Variants in NRXN1 observed in about 807,000 individuals in gnomAD.
NRXN1 encodes neurexin-1.
NRXN1 carries 39 observed loss-of-function variants against 150.9 expected under a neutral mutation model. That is an observed-to-expected ratio of 0.26 (90% CI 0.20 to 0.34). The LOEUF is 0.34. Ranked by LOEUF, NRXN1 falls within the 10% of genes least tolerant of loss-of-function variation. The pLI, the probability that NRXN1 is intolerant of heterozygous loss-of-function variation, is 1.00. For synonymous variants in NRXN1, 924 were observed against 757.0 expected (o/e 1.22, Z -3.62); for missense variants, 1,815 against 1,949.9 (o/e 0.93, Z 1.30).
chr2:50,185,244 G>A (rs189687487), intron 18 of NRXN1, among the ~76,000 whole-genome samples: 1 of 152,140 alleles, frequency 6.6e-6, no homozygotes, highest in Admixed American at 6.6e-5. Flanking sequence ...TTTGTTTATG[G>A]CACACATTTT....
intron 21 of NRXN1, among the ~76,000 whole-genome samples, chr2:49,968,922 C>T (rs542577666): frequency 6.6e-6 from 1 of 152,196 alleles, no homozygotes; most frequent in East Asian, 1.9e-4. Flanking sequence ...TAACCCATGA[C>T]ATCTAGCAGT....
At chr2:50,723,718 T>C (rs1696961768) in intron 5 of NRXN1, among the ~76,000 whole-genome samples, 1 of 152,178 alleles carries the variant, frequency 6.6e-6, no homozygotes, top group Non-Finnish European at 1.5e-5. Context: ...GGTCAGACCC[T>C]AATGCAGCCT....
chr2:50,950,675 A>G (rs1691175144), intron 2 of NRXN1, among the ~76,000 whole-genome samples: 1 of 152,216 alleles, frequency 6.6e-6, no homozygotes. Flanking sequence ...TCTAAGCTGA[A>G]AAGCAATAAT....
chr2:50,293,756 C>A (rs2073232697), intron 17 of NRXN1, among the ~76,000 whole-genome samples: 1 of 152,102 alleles, frequency 6.6e-6, no homozygotes, highest in African/African-American at 2.4e-5. Flanking sequence ...CAGAATGATG[C>A]CTTCCTGGAG....
At chr2:50,047,710 GT>G (rs5831071) in intron 21 of NRXN1, among the ~76,000 whole-genome samples, 1 of 150,190 alleles carries the variant, frequency 6.7e-6, no homozygotes, top group African/African-American at 2.4e-5. Flanking sequence ...TCCTTCCTCT[GT>G]TTTTTTTTCT....
chr2:50,793,520 C>T (rs1415910811), intron 5 of NRXN1, among the ~76,000 whole-genome samples: 1 of 152,038 alleles, frequency 6.6e-6, no homozygotes, highest in East Asian at 1.9e-4. Context: ...ATTCTGCAAG[C>T]CTTTATAATG....
intron 17 of NRXN1, among the ~76,000 whole-genome samples, chr2:50,420,648 A>C (rs2104244400): frequency 6.6e-6 from 1 of 152,190 alleles, no homozygotes; most frequent in South Asian, 2.1e-4. Flanking sequence ...AAGTACCTTA[A>C]GGATGAGGTT....
chr2:49,969,221 C>A (rs867483504), intron 21 of NRXN1, among the ~76,000 whole-genome samples: 1 of 152,082 alleles, frequency 6.6e-6, no homozygotes, highest in African/African-American at 2.4e-5. Flanking sequence ...ATGTTGTAGT[C>A]CCACTACAAA....
intron 17 of NRXN1, among the ~76,000 whole-genome samples, chr2:50,353,963 A>T (rs542659702): frequency 6.6e-6 from 1 of 152,266 alleles, no homozygotes; most frequent in Admixed American, 6.5e-5. Context: ...CTCCCAGGTG[A>T]TGCTGAAGCT....
chr2:50,580,103 T>C (rs1573630701), intron 8 of NRXN1, among the ~76,000 whole-genome samples: 1 of 152,216 alleles, frequency 6.6e-6, no homozygotes, highest in East Asian at 1.9e-4. Context: ...AAATAACTAT[T>C]CAATAAATAT....
At chr2:50,994,207 A>C (rs1698950544) in intron 2 of NRXN1, among the ~76,000 whole-genome samples, 1 of 152,084 alleles carries the variant, frequency 6.6e-6, no homozygotes, top group South Asian at 2.1e-4. Context: ...GTGATCTTAG[A>C]GTCTGTACAA....
intron 17 of NRXN1, among the ~76,000 whole-genome samples, chr2:50,371,980 T>A (rs186593934): frequency 1.8e-3 from 280 of 152,150 alleles, no homozygotes; most frequent in African/African-American, 6.7e-3. Flanking sequence ...AGCTGAATCA[T>A]ATTATTTCTT....
rs542741332 is a variant in NRXN1, at chr2:50,321,103, C to G, written c.3365-84133G>C. On this transcript the variant is annotated intron_variant, in intron 17 of 22. Transcript: ENST00000401669. ...ACAGCCAAAGTCCCAAAGCCAGTAA[C>G]CATATAGATATTAACATTAGGTAGC... Among the ~76,000 whole-genome samples the G allele has an allele frequency of 4.6e-4, 70 of 152,186 alleles. 1 individual carries two copies. Among genetic ancestry groups the G allele is most frequent in the Admixed American group, 3.7e-3 (56 of 15,284 alleles).
At chr2:50,596,172 A>C (rs555883714) in intron 8 of NRXN1, among the ~76,000 whole-genome samples, 3 of 152,298 alleles carry the variant, frequency 2.0e-5, no homozygotes, top group South Asian at 4.1e-4. Flanking sequence ...AAAACAACCA[A>C]ATAAAAATAC....
chr2:51,026,527 T>G, intron 2 of NRXN1: 6 of 1,154,510 alleles, frequency 5.2e-6, no homozygotes, highest in Non-Finnish European at 7.6e-6. Context: ...CCACACTGTT[T>G]TAAGCCCCAA....
intron 17 of NRXN1, among the ~76,000 whole-genome samples, chr2:50,269,971 AAAATT>A (rs1196148238): frequency 6.6e-5 from 10 of 152,184 alleles, no homozygotes; most frequent in Non-Finnish European, 1.0e-4. Context: ...CTGTTAAAAC[AAAATT>A]AAATTAAATT....
At chr2:50,097,799 C>T (rs190137571) in intron 18 of NRXN1, among the ~76,000 whole-genome samples, 72 of 152,180 alleles carry the variant, frequency 4.7e-4, no homozygotes, top group Non-Finnish European at 2.5e-4. Context: ...GCCACCACGC[C>T]CAGCTAATAA....
At chr2:50,414,398 A>G (rs1193966766) in intron 17 of NRXN1, among the ~76,000 whole-genome samples, 3 of 152,026 alleles carry the variant, frequency 2.0e-5, no homozygotes, top group Non-Finnish European at 4.4e-5. Flanking sequence ...TTGGGGGAAT[A>G]TTTTTCGAAA....
intron 5 of NRXN1, among the ~76,000 whole-genome samples, chr2:50,637,742 C>A (rs547678000): frequency 6.6e-6 from 1 of 152,242 alleles, no homozygotes; most frequent in African/African-American, 2.4e-5. Flanking sequence ...CCAGATCAGT[C>A]TTTGTGGCTG....
Sources: gnomAD v4.1 joint callset for allele counts (sites outside exome capture counted in the v4.1 genomes callset) on GRCh38, gnomAD v4.1.1 for gene constraint, MANE v1.5 for transcripts, NCBI Gene and HGNC (gene_info 2026-07-23, HGNC 2026-07-21) for gene names.